The following TBCK variants were observed in gnomAD, a reference collection of about 807,000 sequenced individuals.
The protein encoded by TBCK is TBC1 domain containing kinase, also known as TBC domain-containing protein kinase-like protein.
Under a neutral mutation model 113.4 loss-of-function variants are expected in TBCK, and 99 were observed. That is an observed-to-expected ratio of 0.87 (90% CI 0.74 to 1.03). TBCK has a LOEUF of 1.03. Ranked by LOEUF, TBCK falls within the 50% of genes least tolerant of loss-of-function variation. The pLI, the probability that TBCK is intolerant of heterozygous loss-of-function variation, is 0.00. For missense variants in TBCK, 1,045 were observed against 1,061.3 expected (o/e 0.98, Z 0.21); for synonymous variants, 369 against 370.8 (o/e 1.00, Z 0.05).
intron 23 of TBCK, among the ~76,000 whole-genome samples, chr4:106,136,593 T>C (rs529229297): frequency 7.1e-6 from 1 of 140,886 alleles, no homozygotes; most frequent in South Asian, 2.4e-4. Context: ...GCTGAAGAAA[T>C]CCTCTCATTT....
intron 23 of TBCK, among the ~76,000 whole-genome samples, chr4:106,165,106 G>A (rs938266382): frequency 2.6e-5 from 4 of 151,620 alleles, no homozygotes; most frequent in African/African-American, 9.7e-5. Context: ...TCATAAATAT[G>A]TGATTAAAAT....
intron 5 of TBCK, among the ~76,000 whole-genome samples, chr4:106,259,622 C>T (rs574575043): frequency 6.6e-6 from 1 of 151,972 alleles, no homozygotes; most frequent in Admixed American, 6.5e-5. Flanking sequence ...TCATTATACA[C>T]ATACACACAT....
chr4:106,181,932 G>T (rs1166652442), intron 22 of TBCK, among the ~76,000 whole-genome samples: 1 of 152,148 alleles, frequency 6.6e-6, no homozygotes, highest in African/African-American at 2.4e-5. Context: ...GATGGGGATA[G>T]CATTGAATCT....
At chr4:106,216,764 T>A (rs1756987672) in intron 19 of TBCK, among the ~76,000 whole-genome samples, 1 of 151,768 alleles carries the variant, frequency 6.6e-6, no homozygotes, top group Admixed American at 6.6e-5. Context: ...CCAGATGGAT[T>A]CACAGCCGAA....
At chr4:106,285,996 A>T (rs1379092251) in intron 3 of TBCK, among the ~76,000 whole-genome samples, 1 of 152,234 alleles carries the variant, frequency 6.6e-6, no homozygotes, top group African/African-American at 2.4e-5. Flanking sequence ...AGCAAAATTA[A>T]TTTAGATGGA....
At chr4:106,099,280 T>C (rs182849212) in intron 24 of TBCK, among the ~76,000 whole-genome samples, 339 of 152,250 alleles carry the variant, frequency 2.2e-3, no homozygotes, top group Non-Finnish European at 3.5e-3. Context: ...CATGTTTTTT[T>C]ACATCCTAAA....
chr4:106,095,034 T>C (rs1318726218), intron 25 of TBCK, among the ~76,000 whole-genome samples: 2 of 152,222 alleles, frequency 1.3e-5, no homozygotes, highest in African/African-American at 2.4e-5. Flanking sequence ...AGCCATTTTA[T>C]TGTTTCATGT....
intron 19 of TBCK, among the ~76,000 whole-genome samples, chr4:106,217,551 A>G (rs889612478): frequency 5.3e-5 from 8 of 152,110 alleles, no homozygotes; most frequent in Non-Finnish European, 1.0e-4. Flanking sequence ...TGCAAAAATC[A>G]CAAGCATTCC....
At chr4:106,218,219 C>A (rs1310491662) in intron 19 of TBCK, among the ~76,000 whole-genome samples, 4 of 146,474 alleles carry the variant, frequency 2.7e-5, no homozygotes, top group Admixed American at 2.7e-4. Flanking sequence ...AAAATCAATT[C>A]AAGATGGATT....
rs749588240 is a variant in TBCK, at chr4:106,251,875, C to T, written c.588G>A (p.Glu196=). The T allele has an allele frequency of 3.9e-5, 62 of 1,598,876 alleles. No individual in the cohort carries two copies. The highest frequency in any genetic ancestry group is 4.9e-5 in the Non-Finnish European group (57 of 1,172,934). Residue 196 remains glutamate, a synonymous_variant, in exon 6 of 26, where the codon GAG becomes GAA. Transcript: ENST00000394708. ...ATTTCTTTATACATACCACACAAAGCTCAAATAAAATGATTCCAAGAGACC... is the reference window on the plus strand; with the variant it reads ...ATTTCTTTATACATACCACACAAAGTTCAAATAAAATGATTCCAAGAGACC... ...DVWSLGIILF[E]LCVGRKLFQS...
chr4:106,256,418 G>A (rs767978730), intron 5 of TBCK, among the ~76,000 whole-genome samples: 1 of 152,196 alleles, frequency 6.6e-6, no homozygotes, highest in Non-Finnish European at 1.5e-5. Flanking sequence ...AGGCAGCAGG[G>A]GGCTGGAGTG....
chr4:106,059,606 C>T (rs764196680), intron 25 of TBCK, among the ~76,000 whole-genome samples: 9 of 151,652 alleles, frequency 5.9e-5, no homozygotes, highest in African/African-American at 9.7e-5. Flanking sequence ...TTCTCTCCTT[C>T]TCCTTAAGCC....
At chr4:106,197,593 T>A (rs1394047145) in intron 20 of TBCK, among the ~76,000 whole-genome samples, 2 of 151,640 alleles carry the variant, frequency 1.3e-5, no homozygotes, top group Admixed American at 1.3e-4. Flanking sequence ...AAACAAGGCA[T>A]TAGGGAGAGT....
At chr4:106,233,128 C>A (rs776827908) in intron 16 of TBCK, 64 bp from the exon 17 acceptor site, 3 of 1,402,648 alleles carry the variant, frequency 2.1e-6, no homozygotes, top group African/African-American at 2.9e-5. Context: ...AACCCTTAAT[C>A]CTTGTTCATT....
rs141968673 is a variant in TBCK, at chr4:106,096,589, T to C, written c.2412-948A>G. Among the ~76,000 whole-genome samples, 97 of 152,352 alleles carry C rather than the reference T, an allele frequency of 6.4e-4. No individual in the cohort carries two copies. The East Asian group carries it at 0.016, about 25-fold the overall frequency. ...GGCTGCCTGCCCACCTGCTGTTTTC[T>C]TGTTTGGAAGAGCACCAACCACTGA... On this transcript the variant is annotated intron_variant, in intron 24 of 25. Transcript: ENST00000394708.
At chr4:106,114,321 A>G (rs1245699869) in intron 24 of TBCK, among the ~76,000 whole-genome samples, 1 of 152,206 alleles carries the variant, frequency 6.6e-6, no homozygotes, top group African/African-American at 2.4e-5. Flanking sequence ...CTGGACCTTG[A>G]GAGCAAAGGT....
At chr4:106,124,516 A>G (rs1165047841) in intron 23 of TBCK, among the ~76,000 whole-genome samples, 1 of 152,184 alleles carries the variant, frequency 6.6e-6, no homozygotes, top group Non-Finnish European at 1.5e-5. Flanking sequence ...TACCCAAAGG[A>G]TTATAAATCA....
In TBCK at chr4:106,145,302, G is replaced by A. The variant is rs1354442728; in HGVS notation, c.2235+25793C>T. 2.6e-5 allele frequency among the ~76,000 whole-genome samples: 4 copies of A among 152,162 alleles called. No homozygotes were observed. The East Asian group carries it at 7.7e-4, about 29-fold the overall frequency. ...CACTGCACTCCAGCCTGGTGAGACA[G>A]TGAGACTCCATCTCAGAAACAGCAA... On this transcript the variant is annotated intron_variant, in intron 23 of 25. Coordinates refer to ENST00000394708, the MANE Select transcript of TBCK (RefSeq NM_001163435.3).
In TBCK at chr4:106,092,110, C is replaced by T. The variant is rs1740331741; in HGVS notation, c.2571+3372G>A. Among the ~76,000 whole-genome samples, 4 of 152,170 alleles carry T rather than the reference C, an allele frequency of 2.6e-5. No homozygotes were observed. The South Asian group carries it at 8.3e-4, about 31-fold the overall frequency. The stretch of plus-strand genomic sequence containing the variant: ...TACAGAGTGCCGATTGGTGTATTCA[C>T]AATCCCTTAGCTAGACATAAAGATT... On this transcript the variant is annotated intron_variant, in intron 25 of 25. Transcript: ENST00000394708.
Sources: allele counts gnomAD v4.1 joint callset (sites outside exome capture counted in the v4.1 genomes callset), GRCh38; gene constraint gnomAD v4.1.1; transcripts MANE v1.5; gene names NCBI Gene and HGNC (gene_info 2026-07-23, HGNC 2026-07-21).